Variants in COXFA4 observed in about 807,000 individuals in gnomAD.
COXFA4 encodes the protein cytochrome c oxidase associated subunit FA4.
the COXFA4 span, among the ~76,000 whole-genome samples, chr7:10,937,679 A>G: frequency 4.6e-5 from 7 of 152,166 alleles, no homozygotes; most frequent in Non-Finnish European, 8.8e-5. Context: ...GTCTCAGTCC[A>G]TGAAATCATT....
the COXFA4 span, among the ~76,000 whole-genome samples, chr7:10,934,573 T>A: frequency 6.6e-6 from 1 of 152,132 alleles, no homozygotes; most frequent in Admixed American, 6.5e-5. Context: ...ACTATGTTAT[T>A]TATCTCCAAA....
chr7:10,940,147 G>A, the COXFA4 span: 58 of 1,316,994 alleles, frequency 4.4e-5, 1 homozygote, highest in Middle Eastern at 1.9e-4. Context: ...AGACACTACG[G>A]ACTTCCAAAG....
the COXFA4 span, among the ~76,000 whole-genome samples, chr7:10,935,748 TA>T: frequency 2.6e-5 from 4 of 152,228 alleles, no homozygotes; most frequent in African/African-American, 9.6e-5. Flanking sequence ...GACTGAGGAA[TA>T]AATTTGTTGT....
At chr7:10,938,700 T>G in the COXFA4 span, 1 of 814,754 alleles carries the variant, frequency 1.2e-6, no homozygotes. Context: ...TGTATGACTG[T>G]AAATGTAACA....
the COXFA4 span, chr7:10,933,602 C>A: frequency 1.9e-6 from 3 of 1,573,852 alleles, no homozygotes; most frequent in Admixed American, 1.7e-5. Context: ...GGAAGACCTT[C>A]ATTCTAAAGC....
chr7:10,938,056 T>C, the COXFA4 span: 2 of 1,588,028 alleles, frequency 1.3e-6, no homozygotes, highest in Non-Finnish European at 8.6e-7. Flanking sequence ...TACAACACAA[T>C]TTCTAACAAC....
chr7:10,935,508 G>A, the COXFA4 span, among the ~76,000 whole-genome samples: 4 of 152,206 alleles, frequency 2.6e-5, no homozygotes, highest in African/African-American at 9.7e-5. Context: ...GCTACGGACT[G>A]AATGTTTATG....
the COXFA4 span, among the ~76,000 whole-genome samples, chr7:10,937,155 A>C: frequency 6.6e-6 from 1 of 152,194 alleles, no homozygotes; most frequent in Non-Finnish European, 1.5e-5. Flanking sequence ...TAAATCAAAC[A>C]GCCAGTTACT....
At chr7:10,938,835 C>T in the COXFA4 span, 6 of 1,613,636 alleles carry the variant, frequency 3.7e-6, no homozygotes, top group Non-Finnish European at 5.1e-6. Flanking sequence ...CAATGCCAGA[C>T]GCAAGAGATA....
chr7:10,935,874 T>C, the COXFA4 span, among the ~76,000 whole-genome samples: 1 of 152,366 alleles, frequency 6.6e-6, no homozygotes, highest in East Asian at 1.9e-4. Flanking sequence ...GCCATCTGTA[T>C]GCTGATTGCT....
the COXFA4 span, chr7:10,932,759 C>T: frequency 6.6e-6 from 1 of 152,134 alleles, no homozygotes; most frequent in Non-Finnish European, 1.5e-5. Flanking sequence ...CGCTTGAGCT[C>T]AAGAGTTTGA....
At chr7:10,933,423 G>C in the COXFA4 span, 2 of 546,958 alleles carry the variant, frequency 3.7e-6, no homozygotes, top group Non-Finnish European at 6.5e-6. Flanking sequence ...CTAAAGTTCA[G>C]AGCATACTTT....
the COXFA4 span, chr7:10,940,075 C>G: frequency 1.2e-6 from 2 of 1,613,376 alleles, no homozygotes; most frequent in South Asian, 1.1e-5. Flanking sequence ...GCAGAGGTCT[C>G]CGACTGGAAA....
chr7:10,936,651 C>T, the COXFA4 span, among the ~76,000 whole-genome samples: 1 of 152,098 alleles, frequency 6.6e-6, no homozygotes, highest in Admixed American at 6.5e-5. Context: ...TTTTTATTTT[C>T]TTCTTGTAAG....
the COXFA4 span, chr7:10,939,705 C>T: frequency 2.2e-6 from 1 of 446,528 alleles, no homozygotes; most frequent in Non-Finnish European, 4.1e-6. Context: ...ACATCTATCC[C>T]TCCTGGACCG....
chr7:10,937,913 G>C, the COXFA4 span: 4 of 604,748 alleles, frequency 6.6e-6, no homozygotes, highest in African/African-American at 7.4e-5. Flanking sequence ...TAAATACCTA[G>C]CAAAAAATAT....
chr7:10,937,472 G>T, the COXFA4 span, among the ~76,000 whole-genome samples: 2 of 151,992 alleles, frequency 1.3e-5, no homozygotes, highest in Non-Finnish European at 2.9e-5. Context: ...TAGTAGAGAT[G>T]GGGTTTCACC....
chr7:10,938,204 G>A, the COXFA4 span: 2 of 1,431,628 alleles, frequency 1.4e-6, no homozygotes, highest in Non-Finnish European at 2.0e-6. Flanking sequence ...TTAGTGTTTT[G>A]TACTAAGAAT....
the COXFA4 span, among the ~76,000 whole-genome samples, chr7:10,936,614 G>C: frequency 8.5e-5 from 13 of 152,200 alleles, no homozygotes; most frequent in South Asian, 8.3e-4. Flanking sequence ...ACACAGATGA[G>C]ATCGATGTTT....
Sources: allele counts gnomAD v4.1 joint callset (sites outside exome capture counted in the v4.1 genomes callset), GRCh38; gene constraint gnomAD v4.1.1; transcripts MANE v1.5; gene names NCBI Gene and HGNC (gene_info 2026-07-23, HGNC 2026-07-21).